KIAA1217: variants seen among roughly 807,000 people sequenced by gnomAD.
The protein encoded by KIAA1217 is sickle tail protein homolog.
KIAA1217 carries 88 observed loss-of-function variants against 163.9 expected under a neutral mutation model. The ratio of observed to expected loss-of-function variants is 0.54; its 90% CI spans 0.45 to 0.64. The LOEUF (loss-of-function observed/expected upper bound fraction) is 0.64, where lower values mean the gene tolerates loss of function less well. Ranked by LOEUF, KIAA1217 falls within the 30% of genes least tolerant of loss-of-function variation. KIAA1217 has a pLI of 0.00. For missense variants in KIAA1217, 2,372 were observed against 2,475.0 expected, an observed-to-expected ratio of 0.96 and a Z score of 0.88; for synonymous variants, 903 against 923.1, an observed-to-expected ratio of 0.98 and a Z score of 0.39.
At chr10:23,819,492 C>G (rs1477215723) in intron 1 of KIAA1217, among the ~76,000 whole-genome samples, 2 of 152,264 alleles carry the variant, frequency 1.3e-5, no homozygotes, top group Non-Finnish European at 2.9e-5. Flanking sequence ...CTTTGGCCCC[C>G]CTGCTGCTGG....
intron 5 of KIAA1217, among the ~76,000 whole-genome samples, chr10:24,454,072 CA>C (rs201474842): frequency 2.7e-5 from 4 of 145,944 alleles, no homozygotes; most frequent in East Asian, 2.0e-4. Flanking sequence ...ATACAATTGG[CA>C]AAAAAAAAGA....
chr10:24,441,308 T>C (rs1012608803), intron 5 of KIAA1217, among the ~76,000 whole-genome samples: 20 of 152,048 alleles, frequency 1.3e-4, no homozygotes, highest in Non-Finnish European at 2.5e-4. Flanking sequence ...CCAATAAACA[T>C]GCATGTCATG....
intron 1 of KIAA1217, among the ~76,000 whole-genome samples, chr10:23,768,020 A>C (rs1390278191): frequency 6.6e-6 from 1 of 152,226 alleles, no homozygotes; most frequent in Non-Finnish European, 1.5e-5. Flanking sequence ...ATGCCCAAGC[A>C]TATCTGGAAG....
intron 1 of KIAA1217, among the ~76,000 whole-genome samples, chr10:23,875,789 G>A (rs1267667558): frequency 2.6e-5 from 4 of 152,010 alleles, no homozygotes; most frequent in African/African-American, 4.8e-5. Flanking sequence ...ATGAGTTCAT[G>A]TCCTCTGCAG....
chr10:24,185,638 T>A (rs1172051195), intron 2 of KIAA1217, among the ~76,000 whole-genome samples: 2 of 151,936 alleles, frequency 1.3e-5, no homozygotes, highest in Admixed American at 6.6e-5. Flanking sequence ...CTACTAAAAT[T>A]ACAAAAATTA....
At chr10:23,854,046 C>G (rs1165792953) in intron 1 of KIAA1217, among the ~76,000 whole-genome samples, 2 of 151,928 alleles carry the variant, frequency 1.3e-5, no homozygotes, top group Non-Finnish European at 2.9e-5. Flanking sequence ...TATTTCTTGC[C>G]TTCTGCTAGC....
At chr10:24,160,413 C>T (rs1399344434) in intron 2 of KIAA1217, among the ~76,000 whole-genome samples, 1 of 151,978 alleles carries the variant, frequency 6.6e-6, no homozygotes, top group Non-Finnish European at 1.5e-5. Flanking sequence ...ATGTTTTATA[C>T]TCTCGGTGTA....
chr10:24,436,464 C>CAAAAA (rs34617087), intron 4 of KIAA1217, among the ~76,000 whole-genome samples: 9,415 of 138,346 alleles, frequency 0.068, 425 homozygotes, highest in East Asian at 0.14. Flanking sequence ...TTATATAAGA[C>CAAAAA]AAAAAAAAAA....
chr10:23,707,682 A>T (rs889340538), intron 1 of KIAA1217, among the ~76,000 whole-genome samples: 3 of 152,162 alleles, frequency 2.0e-5, no homozygotes, highest in African/African-American at 7.2e-5. Context: ...TTACCACTAC[A>T]CAATATATCC....
At chr10:24,079,801 C>T (rs1171129718) in intron 2 of KIAA1217, among the ~76,000 whole-genome samples, 1 of 152,140 alleles carries the variant, frequency 6.6e-6, no homozygotes, top group Non-Finnish European at 1.5e-5. Context: ...TTTGCATCCC[C>T]AAGGCCACGC....
chr10:23,911,085 T>A (rs1197956326), intron 1 of KIAA1217, among the ~76,000 whole-genome samples: 1 of 152,206 alleles, frequency 6.6e-6, no homozygotes, highest in African/African-American at 2.4e-5. Context: ...TTTCATTTAA[T>A]CTGTATAAAT....
At chr10:24,175,505 A>G (rs1378053125) in intron 2 of KIAA1217, among the ~76,000 whole-genome samples, 2 of 151,990 alleles carry the variant, frequency 1.3e-5, no homozygotes, top group African/African-American at 2.4e-5. Context: ...AATTAGAATT[A>G]TAGTCTCCAA....
chr10:24,214,189 T>C (rs577370474), intron 1 of KIAA1217, among the ~76,000 whole-genome samples: 10 of 152,064 alleles, frequency 6.6e-5, no homozygotes, highest in Non-Finnish European at 1.3e-4. Flanking sequence ...ACAAGGGAGC[T>C]TGAAAACTGA....
chr10:24,090,158 C>CT (rs2061870356), intron 2 of KIAA1217, among the ~76,000 whole-genome samples: 4 of 133,174 alleles, frequency 3.0e-5, no homozygotes, highest in Admixed American at 7.5e-5. Context: ...CTTTCTTTTT[C>CT]TTTTTCTTTT....
At chr10:24,245,650 G>A (rs1012302003) in intron 2 of KIAA1217, among the ~76,000 whole-genome samples, 4 of 151,766 alleles carry the variant, frequency 2.6e-5, no homozygotes, top group South Asian at 2.1e-4. Context: ...TTTCCTTTCC[G>A]AGACAAGGTC....
At chr10:23,913,164 G>A (rs903735891) in intron 1 of KIAA1217, among the ~76,000 whole-genome samples, 4 of 152,152 alleles carry the variant, frequency 2.6e-5, no homozygotes, top group Non-Finnish European at 5.9e-5. Flanking sequence ...AAGTCTTAAT[G>A]GAGACCTTGC....
chr10:24,299,745 A>G (rs1330489629), intron 2 of KIAA1217, among the ~76,000 whole-genome samples: 2 of 152,122 alleles, frequency 1.3e-5, no homozygotes, highest in African/African-American at 2.4e-5. Context: ...TGAGTAAACT[A>G]CAATTTTATG....
chr10:24,314,481 G>C (rs1298509512), intron 2 of KIAA1217, among the ~76,000 whole-genome samples: 1 of 152,192 alleles, frequency 6.6e-6, no homozygotes, highest in Non-Finnish European at 1.5e-5. Flanking sequence ...TGGTGTCTGT[G>C]TGTGCACACG....
chr10:24,001,649 T>C (rs1846748087), intron 1 of KIAA1217, among the ~76,000 whole-genome samples: 1 of 152,294 alleles, frequency 6.6e-6, no homozygotes, highest in Non-Finnish European at 1.5e-5. Flanking sequence ...TTAACTGATA[T>C]AGAAAGTGGT....
Sources: gnomAD v4.1 joint callset for allele counts (sites outside exome capture counted in the v4.1 genomes callset) on GRCh38, gnomAD v4.1.1 for gene constraint, MANE v1.5 for transcripts, NCBI Gene and HGNC (gene_info 2026-07-23, HGNC 2026-07-21) for gene names.